Variants in ZNF292 observed in about 807,000 individuals in gnomAD.
ZNF292 encodes 16 zinc-finger domain protein.
ZNF292 carries 26 observed loss-of-function variants against 217.9 expected under a neutral mutation model. The observed-to-expected ratio is 0.12, with a 90% confidence interval of 0.09 to 0.17. ZNF292 has a LOEUF of 0.17. Ranked by LOEUF, ZNF292 falls within the 10% of genes least tolerant of loss-of-function variation. The pLI, the probability that ZNF292 is intolerant of heterozygous loss-of-function variation, is 1.00. For synonymous variants in ZNF292, 1,257 were observed against 1,124.1 expected (o/e 1.12, Z -2.37); for missense variants, 2,904 against 3,175.2 (o/e 0.91, Z 2.05).
chr6:87,256,493 A>G lies in ZNF292; in HGVS notation c.2864A>G (p.Glu955Gly). ...ATTGAGGATAACTTTGGAAAGCAAG[A>G]AAACTCAACTGTGGAAGGCAGTGGT... ...QGIEDNFGKQ[E>G]NSTVEGSGEA... is the part of the protein sequence containing the mutation. The change falls in exon 8 of 8, where the codon GAA becomes GGA. Residue 955 changes from glutamate (E) to glycine (G), a missense_variant. Physicochemically the swap from Glu to Gly is moderately conservative, Grantham distance 98. Transcript: ENST00000369577. 6.2e-7 allele frequency: 1 copy of G among 1,611,736 alleles called. No individual in the cohort carries two copies. The highest frequency in any genetic ancestry group is 8.5e-7 in the Non-Finnish European group (1 of 1,179,834).
At chr6:87,161,438 T>G (rs189883040) in intron 1 of ZNF292, among the ~76,000 whole-genome samples, 89 of 152,362 alleles carry the variant, frequency 5.8e-4, no homozygotes, top group African/African-American at 2.0e-3. Context: ...TTTTATTTTT[T>G]TGAGACAGGG....
At chr6:87,156,558 C>T (rs920397797) in intron 1 of ZNF292, among the ~76,000 whole-genome samples, 1 of 152,170 alleles carries the variant, frequency 6.6e-6, no homozygotes, top group African/African-American at 2.4e-5. Context: ...GTATGATTTC[C>T]ACTATCCTTT....
At chr6:87,248,480 C>T (rs967000037) in intron 7 of ZNF292, among the ~76,000 whole-genome samples, 1 of 152,120 alleles carries the variant, frequency 6.6e-6, no homozygotes. Flanking sequence ...TGGGAGTGCA[C>T]GCCTGAGTCC....
chr6:87,264,743 C>A lies in ZNF292; in HGVS notation c.*2942C>A, dbSNP rs1775757609. Among the ~76,000 whole-genome samples the A allele has an allele frequency of 6.6e-6, 1 of 152,024 alleles. No homozygotes were observed. The highest frequency in any genetic ancestry group is 1.5e-5 in the Non-Finnish European group (1 of 68,004). On this transcript the variant is annotated 3_prime_UTR_variant, in exon 8 of 8. Coordinates refer to ENST00000369577, the MANE Select transcript of ZNF292 (RefSeq NM_015021.3). ...GATGGGTGGTGGGATCAGGAGTGTT[C>A]TTGTATGCTGTATTAAGTCTTTATT... is the stretch of plus-strand genomic sequence containing the variant.
chr6:87,204,107 G>A (rs1023990091), intron 1 of ZNF292, among the ~76,000 whole-genome samples: 6 of 152,050 alleles, frequency 3.9e-5, no homozygotes, highest in Admixed American at 6.6e-5. Flanking sequence ...CCAAATTGAG[G>A]GATATTCTAC....
chr6:87,229,381 C>G (rs1033272805), intron 4 of ZNF292, among the ~76,000 whole-genome samples: 3 of 152,044 alleles, frequency 2.0e-5, no homozygotes, highest in African/African-American at 7.2e-5. Context: ...TCTTTTCGAT[C>G]TGTATCTCTT....
At chr6:87,192,637 A>AT (rs1771851169) in intron 1 of ZNF292, among the ~76,000 whole-genome samples, 1 of 152,214 alleles carries the variant, frequency 6.6e-6, no homozygotes, top group Non-Finnish European at 1.5e-5. Flanking sequence ...ACATCCACAC[A>AT]TATAGACAAT....
At position 87,191,370 on chromosome 6, in the gene ZNF292, C is replaced by T. The variant is rs140311795; in HGVS notation, c.169-24533C>T. On this transcript the variant is annotated intron_variant, in intron 1 of 7. Transcript: ENST00000369577. ...CCACATTCAGAGTCATCCTAGGCCA[C>T]GGGTTGGACAAGCTTTTATTAAACA... Among the ~76,000 whole-genome samples, 141 of 152,202 alleles carry T rather than the reference C, an allele frequency of 9.3e-4. No homozygotes were observed. In the East Asian group the frequency reaches 0.023, roughly 25 times the overall value.
chr6:87,210,660 G>T (rs1026317619), intron 1 of ZNF292, among the ~76,000 whole-genome samples: 1 of 152,080 alleles, frequency 6.6e-6, no homozygotes, highest in Non-Finnish European at 1.5e-5. Context: ...GGCGTCTGTA[G>T]TCCCAACTAC....
chr6:87,169,731 C>T (rs746028086), intron 1 of ZNF292: 1 of 442,268 alleles, frequency 2.3e-6, no homozygotes, highest in East Asian at 7.5e-5. Flanking sequence ...ACTTCAGCGT[C>T]CACCTCCCGG....
At chr6:87,241,359 G>T (rs1774274859) in intron 5 of ZNF292, among the ~76,000 whole-genome samples, 1 of 151,684 alleles carries the variant, frequency 6.6e-6, no homozygotes, top group Admixed American at 6.6e-5. Flanking sequence ...GTGTCACAGG[G>T]TAATTGTTTA....
Position 87,264,791 on chromosome 6 carries a change from G to A in ZNF292, c.*2990G>A, listed in dbSNP as rs1229205531. 6.6e-6 allele frequency among the ~76,000 whole-genome samples: 1 copy of A among 152,102 alleles called. No individual in the cohort carries two copies. Among genetic ancestry groups the A allele is most frequent in the Admixed American group, 6.5e-5 (1 of 15,270 alleles). Reference sequence around the variant, plus strand: ...ATTTTGGTTTTTGAAAATTGTTATTGGATGCATGTATATTGAACAATTTAA... The same window carrying A: ...ATTTTGGTTTTTGAAAATTGTTATTAGATGCATGTATATTGAACAATTTAA... On this transcript the variant is annotated 3_prime_UTR_variant, in exon 8 of 8. Coordinates refer to ENST00000369577, the MANE Select transcript of ZNF292 (RefSeq NM_015021.3).
At chr6:87,226,817 T>C (rs1318111969) in intron 4 of ZNF292, among the ~76,000 whole-genome samples, 1 of 151,886 alleles carries the variant, frequency 6.6e-6, no homozygotes, top group African/African-American at 2.4e-5. Flanking sequence ...TAGCGGGGAC[T>C]ACAGGCATGC....
In ZNF292 at chr6:87,218,683, C is replaced by G. The variant is rs1223769158; in HGVS notation, c.490C>G (p.Pro164Ala). 1.9e-6 allele frequency: 3 copies of G among 1,596,982 alleles called. No homozygotes were observed. Among genetic ancestry groups the G allele is most frequent in the Non-Finnish European group, 2.6e-6 (3 of 1,172,066 alleles). ...LAQETGVWKN[P>A]VLCTILSQEP... ...TCAAGAGACTGGGGTGTGGAAAAAC[C>G]CGGTACTGTGCACTATTCTTTCCCA... Residue 164 changes from proline to alanine, a missense_variant, in exon 4 of 8, where the codon CCG becomes GCG. By Grantham distance (27) the Pro-to-Ala change is conservative (BLOSUM62 -1). Transcript: ENST00000369577.
chr6:87,205,882 G>T lies in ZNF292; in HGVS notation c.169-10021G>T, dbSNP rs930754582. Among the ~76,000 whole-genome samples the T allele has an allele frequency of 6.6e-5, 10 of 151,970 alleles. 1 individual carries two copies. The highest frequency in any genetic ancestry group is 2.4e-4 in the African/African-American group (10 of 41,352). On this transcript the variant is annotated intron_variant, in intron 1 of 7. Coordinates refer to ENST00000369577, the MANE Select transcript of ZNF292 (RefSeq NM_015021.3). ...CCTGTTCTTTGTCCAATTTAAGTTG[G>T]CTACTTAGTTATTTTCGCCAAATTT...
chr6:87,227,492 G>A (rs1773416116), intron 4 of ZNF292, among the ~76,000 whole-genome samples: 2 of 151,772 alleles, frequency 1.3e-5, no homozygotes, highest in Admixed American at 6.6e-5. Context: ...CTGTTTTTAA[G>A]TTTGGTAATG....
At chr6:87,169,745 C>A in intron 1 of ZNF292, 1 of 435,068 alleles carries the variant, frequency 2.3e-6, no homozygotes, top group Non-Finnish European at 4.6e-6. Flanking sequence ...CTCCCGGGCT[C>A]AAGTGATCCT....
intron 1 of ZNF292, among the ~76,000 whole-genome samples, chr6:87,188,793 GT>G (rs1771737399): frequency 6.7e-6 from 1 of 150,266 alleles, no homozygotes; most frequent in Admixed American, 6.6e-5. Flanking sequence ...GAATTAAACT[GT>G]TTAATAAAAA....
rs147102849 is a variant in ZNF292, at chr6:87,168,621, C to T, written c.168+12862C>T. 4.8e-3 allele frequency among the ~76,000 whole-genome samples: 736 copies of T among 152,194 alleles called. 3 individuals carry two copies. The highest frequency in any genetic ancestry group is 0.016 in the African/African-American group (648 of 41,510). ...AGTAACTGGGATTACAGGTGCGCAC[C>T]TCTGTGCCTGGCTAATTTTTCTATT... On this transcript the variant is annotated intron_variant, in intron 1 of 7. Coordinates refer to ENST00000369577, the MANE Select transcript of ZNF292 (RefSeq NM_015021.3).
Sources: allele counts gnomAD v4.1 joint callset (sites outside exome capture counted in the v4.1 genomes callset), GRCh38; gene constraint gnomAD v4.1.1; transcripts MANE v1.5; gene names NCBI Gene and HGNC (gene_info 2026-07-23, HGNC 2026-07-21).